The following TMPO variants were observed in gnomAD, a reference collection of about 807,000 sequenced individuals.
TMPO encodes LEM domain containing 4.
TMPO carries 22 observed loss-of-function variants against 45.4 expected under a neutral mutation model. The observed-to-expected ratio is 0.48, with a 90% confidence interval of 0.35 to 0.69. The LOEUF is 0.69. TMPO is among the 30% of genes least tolerant of loss of function. The pLI, the probability that TMPO is intolerant of heterozygous loss-of-function variation, is 0.01. For synonymous variants in TMPO, 241 were observed against 204.1 expected (o/e 1.18, Z -1.54); for missense variants, 512 against 548.8 (o/e 0.93, Z 0.67).
At chr12:98,532,045 C>A in intron 3 of TMPO, 1 of 505,228 alleles carries the variant, frequency 2.0e-6, no homozygotes, top group East Asian at 3.5e-5. Flanking sequence ...TTTTCCATCA[C>A]CTGAAATTGC....
chr12:98,546,278 AACTT>A (rs1396721678), intron 7 of TMPO, 77 bp from the exon 8 acceptor site: 1 of 956,570 alleles, frequency 1.0e-6, no homozygotes, highest in Non-Finnish European at 1.7e-6. Flanking sequence ...TGTTCTCTAA[AACTT>A]ACTATTTATG....
intron 1 of TMPO, among the ~76,000 whole-genome samples, chr12:98,523,240 T>C (rs1276973366): frequency 6.6e-6 from 1 of 152,118 alleles, no homozygotes; most frequent in Non-Finnish European, 1.5e-5. Flanking sequence ...TTTCTGGAAC[T>C]TTTTTCCTGA....
rs977716909 is a variant in TMPO, at chr12:98,548,007, A to G, written c.*149A>G. The stretch of plus-strand genomic sequence containing the variant: ...TTTCATTGAAAAGCAAACAAAATAT[A>G]TATAAATGGACTTCATTAAAATGTT... On this transcript the variant is annotated 3_prime_UTR_variant, in exon 9 of 9. Coordinates refer to ENST00000556029, the MANE Select transcript of TMPO (RefSeq NM_001032283.3). The G allele has an allele frequency of 4.9e-5, 43 of 870,460 alleles. 1 individual carries two copies. The Admixed American group carries it at 1.0e-3, about 21-fold the overall frequency. 53.9% of individuals were successfully genotyped at this position (870,460 alleles called of 1,614,324 possible).
chr12:98,531,723 G>A lies in TMPO; in HGVS notation c.450G>A (p.Arg150=), dbSNP rs1335099539. 6.2e-7 allele frequency: 1 copy of A among 1,613,334 alleles called. No homozygotes were observed. Among genetic ancestry groups the A allele is most frequent in the Non-Finnish European group, 8.5e-7 (1 of 1,179,956 alleles). The change falls in exon 3 of 9, where the codon AGG becomes AGA. Residue 150 remains arginine (R), a synonymous_variant. Coordinates refer to ENST00000556029, the MANE Select transcript of TMPO (RefSeq NM_001032283.3). ...ATGAGAAAAAGCTTTTGAAACTGAG[G>A]GAACAAGGAACAGAATCAAGATCTT... ...KLYEKKLLKL[R]EQGTESRSST...
At chr12:98,521,089 G>A (rs982419561) in intron 1 of TMPO, among the ~76,000 whole-genome samples, 6 of 130,300 alleles carry the variant, frequency 4.6e-5, no homozygotes, top group African/African-American at 8.4e-5. Flanking sequence ...TTAATCATGG[G>A]TTTATGAGGA....
Position 98,535,568 on chromosome 12 carries a change from A to AT in TMPO, c.566-1902dup, listed in dbSNP as rs551684682. On this transcript the variant is annotated intron_variant, in intron 3 of 8. Transcript: ENST00000556029. ...ACATGTACCTACTGAGTGCTATGTG[A>AT]TTTTTAAAAATGTATTACTGTAGAA... is the stretch of plus-strand genomic sequence containing the variant. The AT allele has an allele frequency of 7.3e-5, 72 of 985,356 alleles. 1 individual carries two copies. In the African/African-American group the frequency reaches 1.0e-3, roughly 14 times the overall value. The allele number at this position is 985,356 out of a possible 1,614,324, so 61.0% of individuals were successfully genotyped here. A position where few individuals can be genotyped will look rare whatever the true frequency, so the allele number is the denominator to read the frequency against.
chr12:98,544,080 AC>A (rs1384730047), intron 4 of TMPO, 149 bp from the exon 5 acceptor site: 1 of 824,058 alleles, frequency 1.2e-6, no homozygotes, highest in African/African-American at 1.7e-5. Flanking sequence ...TTCAATTAAT[AC>A]ATTTAGGAAT....
intron 1 of TMPO, chr12:98,516,595 C>A: frequency 1.1e-6 from 1 of 952,224 alleles, no homozygotes; most frequent in Non-Finnish European, 1.3e-6. Flanking sequence ...TGGAGGGCAA[C>A]TGATGACACT....
chr12:98,538,066 G>T (rs1355804665), intron 4 of TMPO, among the ~76,000 whole-genome samples: 1 of 152,144 alleles, frequency 6.6e-6, no homozygotes, highest in African/African-American at 2.4e-5. Flanking sequence ...TCTATTGTGG[G>T]AGAGGCGTTT....
intron 3 of TMPO, 183 bp downstream of exon 3, chr12:98,532,021 G>A: frequency 1.8e-6 from 1 of 562,550 alleles, no homozygotes; most frequent in Non-Finnish European, 3.1e-6. Flanking sequence ...AAGCAACATA[G>A]TACAAATTCA....
At chr12:98,532,063 C>T (rs1317585864) in intron 3 of TMPO, 2 of 477,996 alleles carry the variant, frequency 4.2e-6, no homozygotes, top group Non-Finnish European at 7.4e-6. Context: ...TGCAAGTTAA[C>T]TTTGTCTTTT....
chr12:98,526,774 A>G (rs1234940015), intron 1 of TMPO, among the ~76,000 whole-genome samples: 1 of 152,114 alleles, frequency 6.6e-6, no homozygotes, highest in Non-Finnish European at 1.5e-5. Flanking sequence ...TCTGGCCAAC[A>G]TGTTGAAACC....
intron 3 of TMPO, among the ~76,000 whole-genome samples, chr12:98,532,438 G>A (rs1406647080): frequency 2.6e-5 from 4 of 151,912 alleles, no homozygotes; most frequent in Non-Finnish European, 4.4e-5. Flanking sequence ...TAAATTGTTC[G>A]CAGTTTTTGT....
intron 3 of TMPO, chr12:98,532,408 G>C (rs1436748439): frequency 5.5e-6 from 1 of 183,334 alleles, no homozygotes; most frequent in African/African-American, 2.4e-5. Flanking sequence ...TATTTTCTCT[G>C]TTCTCTATTG....
In TMPO at chr12:98,548,185, G is replaced by A; in HGVS notation, c.*327G>A. 1 of 225,366 alleles carries A rather than the reference G, an allele frequency of 4.4e-6. No individual in the cohort carries two copies. Among genetic ancestry groups the A allele is most frequent in the South Asian group, 6.8e-5 (1 of 14,756 alleles). The allele number at this position is 225,366 out of a possible 1,614,324, so 14.0% of individuals were successfully genotyped here. On this transcript the variant is annotated 3_prime_UTR_variant, in exon 9 of 9. Transcript: ENST00000556029. ...TTTTTTGTGTATTTGGGAAACGAAG[G>A]GTGAAACATGGTAGTATAATGTGAA...
At chr12:98,534,983 G>A (rs1431657553) in intron 3 of TMPO, 1 of 870,808 alleles carries the variant, frequency 1.1e-6, no homozygotes, top group Non-Finnish European at 1.4e-6. Flanking sequence ...TCAATGACAG[G>A]ATTTGATTTT....
chr12:98,528,047 C>G (rs1014278391), intron 2 of TMPO, 35 bp downstream of exon 2: 11 of 1,612,816 alleles, frequency 6.8e-6, no homozygotes, highest in African/African-American at 1.3e-5. Flanking sequence ...AGTATCTTTT[C>G]TCTGAAGCAG....
At position 98,527,868 on chromosome 12, in the gene TMPO, A is replaced by G. The variant is rs777297343; in HGVS notation, c.280-18A>G. On this transcript the variant is annotated intron_variant, in intron 1 of 8. Transcript: ENST00000556029. ...CACTTTAATTCATATGGAAATGATT[A>G]CTGGACTTTGTTTACAGAAAGCCAC... 6 of 1,613,088 alleles carry G rather than the reference A, an allele frequency of 3.7e-6. No homozygotes were observed. In the African/African-American group the frequency reaches 6.7e-5, roughly 18 times the overall value.
chr12:98,546,088 A>G (rs1211970144), intron 7 of TMPO, among the ~76,000 whole-genome samples: 1 of 152,222 alleles, frequency 6.6e-6, no homozygotes, highest in Admixed American at 6.5e-5. Flanking sequence ...TAGCATTGCC[A>G]TGTTAGATTA....
Sources: allele counts gnomAD v4.1 joint callset (sites outside exome capture counted in the v4.1 genomes callset), GRCh38; gene constraint gnomAD v4.1.1; transcripts MANE v1.5; gene names NCBI Gene and HGNC (gene_info 2026-07-23, HGNC 2026-07-21).